Variants in ZNF536 observed in about 807,000 individuals in gnomAD.
ZNF536 encodes the protein zinc finger protein 536.
In ZNF536, 13 loss-of-function variants were observed where a neutral mutation model predicts 84.5. That is an observed-to-expected ratio of 0.15 (90% confidence interval 0.10 to 0.24). The LOEUF (loss-of-function observed/expected upper bound fraction) is 0.24, where lower values mean the gene tolerates loss of function less well. Among genes scored for constraint, ZNF536 ranks in the 10% least tolerant of loss-of-function variants. The pLI, the probability that ZNF536 is intolerant of heterozygous loss-of-function variation, is 1.00. For synonymous variants in ZNF536, 811 were observed against 742.5 expected (o/e 1.09, Z -1.50); for missense variants, 1,536 against 1,747.5 (o/e 0.88, Z 2.16).
chr19:30,705,771 T>C (rs2052202067), intron 1 of ZNF536, among the ~76,000 whole-genome samples: 1 of 152,220 alleles, frequency 6.6e-6, no homozygotes, highest in African/African-American at 2.4e-5. Flanking sequence ...TTTCTACAAA[T>C]GGATATGTGC....
intron 2 of ZNF536, among the ~76,000 whole-genome samples, chr19:30,461,189 G>T (rs1046041936): frequency 6.6e-6 from 1 of 152,174 alleles, no homozygotes; most frequent in Non-Finnish European, 1.5e-5. Context: ...ATCAGCGGTT[G>T]TGTAAACTGA....
intron 1 of ZNF536, among the ~76,000 whole-genome samples, chr19:30,427,903 G>A (rs1161477252): frequency 6.6e-6 from 1 of 152,164 alleles, no homozygotes; most frequent in East Asian, 1.9e-4. Context: ...GGTTCAATCT[G>A]TAATATAATT....
chr19:30,709,851 A>T (rs1220615587), intron 1 of ZNF536, among the ~76,000 whole-genome samples: 1 of 152,198 alleles, frequency 6.6e-6, no homozygotes, highest in African/African-American at 2.4e-5. Context: ...TCCTGGGCTC[A>T]AACGACTGAC....
At chr19:30,658,143 T>G in intron 1 of ZNF536, among the ~76,000 whole-genome samples, 1 of 151,676 alleles carries the variant, frequency 6.6e-6, no homozygotes, top group African/African-American at 2.4e-5. Flanking sequence ...CTGCCTCACC[T>G]TCTGAGCAGC....
At chr19:30,572,330 C>T (rs1356796539) in intron 1 of ZNF536, among the ~76,000 whole-genome samples, 4 of 152,138 alleles carry the variant, frequency 2.6e-5, no homozygotes, top group African/African-American at 7.2e-5. Flanking sequence ...TCCCAGGCCC[C>T]CGTCCTAAGA....
chr19:30,225,723 G>T (rs2022577505), upstream of ZNF536, among the ~76,000 whole-genome samples: 2 of 142,244 alleles, frequency 1.4e-5, no homozygotes, highest in African/African-American at 5.2e-5. Context: ...CGGTGCGGGG[G>T]GCGCGGCGCG....
intron 2 of ZNF536, among the ~76,000 whole-genome samples, chr19:30,286,475 G>A (rs1199405593): frequency 6.6e-6 from 1 of 151,788 alleles, no homozygotes; most frequent in African/African-American, 2.4e-5. Flanking sequence ...AGGAGAGATT[G>A]TTGAGCATAG....
chr19:30,442,441 A>T (rs1249323360), intron 1 of ZNF536, among the ~76,000 whole-genome samples: 1 of 152,246 alleles, frequency 6.6e-6, no homozygotes, highest in African/African-American at 2.4e-5. Flanking sequence ...GTATATTGGG[A>T]AAGTTATTAA....
chr19:30,556,857 G>A, intron 4 of ZNF536: 1 of 255,156 alleles, frequency 3.9e-6, no homozygotes. Flanking sequence ...TGAGAGGAGA[G>A]GGCAATCAAC....
At chr19:30,571,713 C>G (rs1245055492) in intron 1 of ZNF536, among the ~76,000 whole-genome samples, 1 of 152,146 alleles carries the variant, frequency 6.6e-6, no homozygotes, top group Non-Finnish European at 1.5e-5. Flanking sequence ...CCCACGGTCT[C>G]AGGCCCCTCT....
intron 2 of ZNF536, among the ~76,000 whole-genome samples, chr19:30,315,909 TA>T (rs999726122): frequency 1.3e-5 from 2 of 152,066 alleles, no homozygotes; most frequent in East Asian, 1.9e-4. Flanking sequence ...TTACTTTTTT[TA>T]AAAAAAACAG....
chr19:30,384,440 C>T (rs995915580), intron 1 of ZNF536, among the ~76,000 whole-genome samples: 1 of 149,662 alleles, frequency 6.7e-6, no homozygotes, highest in South Asian at 2.1e-4. Flanking sequence ...GGCCTGGTGG[C>T]GAAGAAGGTG....
At chr19:30,646,733 T>G (rs1245920000) in intron 1 of ZNF536, among the ~76,000 whole-genome samples, 2 of 152,236 alleles carry the variant, frequency 1.3e-5, no homozygotes, top group African/African-American at 2.4e-5. Context: ...TCATCATATT[T>G]CAATAAATCC....
In ZNF536 at chr19:30,505,482, T is replaced by C. The variant is rs138421515; in HGVS notation, c.2171-29365T>C. 7.6e-3 allele frequency among the ~76,000 whole-genome samples: 1,129 copies of C among 148,814 alleles called. 16 individuals carry two copies. The highest frequency in any genetic ancestry group is 0.026 in the African/African-American group (1,082 of 40,916). On this transcript the variant is annotated intron_variant, in intron 2 of 4. Transcript: ENST00000355537. ...ATGTATCATCAATAATCTATATTAT[T>C]AATCTATATATAATATATCTAATGT... is the stretch of plus-strand genomic sequence containing the variant.
intron 1 of ZNF536, among the ~76,000 whole-genome samples, chr19:30,613,025 C>T (rs573240345): frequency 6.6e-6 from 1 of 152,276 alleles, no homozygotes; most frequent in East Asian, 1.9e-4. Flanking sequence ...GAAAAACGCT[C>T]AGTTTGGATA....
chr19:30,374,853 A>C (rs867211483), intron 1 of ZNF536, among the ~76,000 whole-genome samples: 4 of 150,750 alleles, frequency 2.7e-5, no homozygotes, highest in African/African-American at 9.7e-5. Context: ...GGGGGAGCGG[A>C]GACTGGCCCC....
At chr19:30,392,408 A>G (rs1008097452) in intron 1 of ZNF536, among the ~76,000 whole-genome samples, 2 of 152,170 alleles carry the variant, frequency 1.3e-5, no homozygotes, top group African/African-American at 2.4e-5. Context: ...CCATGTGGAG[A>G]CAACGCCAGG....
intron 2 of ZNF536, among the ~76,000 whole-genome samples, chr19:30,335,070 C>A (rs1020531147): frequency 2.0e-5 from 3 of 152,182 alleles, no homozygotes; most frequent in Admixed American, 6.5e-5. Flanking sequence ...CTTTAAAGAT[C>A]TCCGTACAGC....
At chr19:30,384,955 G>A (rs907902770) in intron 1 of ZNF536, among the ~76,000 whole-genome samples, 1 of 152,152 alleles carries the variant, frequency 6.6e-6, no homozygotes, top group Non-Finnish European at 1.5e-5. Context: ...AGCCCAGGCA[G>A]TCGAGGCTGC....
Sources: allele counts gnomAD v4.1 joint callset (sites outside exome capture counted in the v4.1 genomes callset), GRCh38; gene constraint gnomAD v4.1.1; transcripts MANE v1.5; gene names NCBI Gene and HGNC (gene_info 2026-07-23, HGNC 2026-07-21).